The following BPIFB3 variants were observed in gnomAD, a reference collection of about 807,000 sequenced individuals.
BPIFB3 encodes BPI fold containing family B member 3.
In BPIFB3, 49 loss-of-function variants were observed where a neutral mutation model predicts 53.1. The ratio of observed to expected loss-of-function variants is 0.92; its 90% CI spans 0.73 to 1.17. The LOEUF is 1.17. BPIFB3 is among the 50% of genes most tolerant of loss of function. BPIFB3 has a pLI of 0.00. For missense variants in BPIFB3, 628 were observed against 592.5 expected (o/e 1.06, Z -0.62); for synonymous variants, 271 against 269.6 (o/e 1.01, Z -0.05).
intron 11 of BPIFB3, 37 bp from the exon 13 acceptor site, chr20:33,071,216 G>A (rs1389514588): frequency 4.6e-6 from 7 of 1,534,736 alleles, no homozygotes; most frequent in African/African-American, 4.3e-5. Context: ...GTGGTTGGGG[G>A]TAGCGGGGGC....
intron 2 of BPIFB3, among the ~76,000 whole-genome samples, chr20:33,058,958 G>A (rs917558731): frequency 1.6e-4 from 24 of 152,134 alleles, no homozygotes; most frequent in Admixed American, 1.5e-3. Context: ...GTGAGGAGTC[G>A]TGTTTGAGAA....
At chr20:33,061,674 A>C in intron 4 of BPIFB3, 94 bp from the exon 6 acceptor site, 2 of 1,227,602 alleles carry the variant, frequency 1.6e-6, no homozygotes, top group Non-Finnish European at 2.3e-6. Context: ...AAGGGAGAGG[A>C]GAAATCCAGA....
At chr20:33,064,989 A>G (rs1323059958) in intron 8 of BPIFB3, 144 bp downstream of exon 9, 2 of 902,412 alleles carry the variant, frequency 2.2e-6, no homozygotes, top group African/African-American at 3.4e-5. Context: ...TAGAGTGTGT[A>G]CACTGCTGTT....
chr20:33,072,816 G>A (rs746955098), intron 14 of BPIFB3, 23 bp downstream of exon 15: 18 of 1,572,250 alleles, frequency 1.1e-5, no homozygotes, highest in African/African-American at 6.8e-5. Context: ...TGCAGATACG[G>A]CCCAGGTGGG....
chr20:33,063,574 GAGCTCTTCTTTGCCCTGTA>G lies in BPIFB3; in HGVS notation c.592-39_592-21del, dbSNP rs145095291. On this transcript the variant is annotated intron_variant, in intron 5 of 14. Transcript: ENST00000375494. ...AAGAACATGCAGCTGTCCTCGCAGT[GAGCTCTTCTTTGCCCTGTA>G]ACATGTGTCTCCCTGACACAGCTGT... 1.3e-3 allele frequency: 2,083 copies of G among 1,605,690 alleles called. 30 individuals are homozygous for G. In the African/African-American group the frequency reaches 0.024, roughly 18 times the overall value.
chr20:33,060,308 G>A (rs528823582), intron 4 of BPIFB3, among the ~76,000 whole-genome samples: 8 of 152,288 alleles, frequency 5.3e-5, no homozygotes, highest in Admixed American at 3.9e-4. Flanking sequence ...CCGCCAGAGC[G>A]GGCCCAGGGT....
chr20:33,068,849 G>A lies in BPIFB3; in HGVS notation c.1025G>A (p.Arg342Gln), dbSNP rs563695636. 1,200 of 1,613,906 alleles carry A rather than the reference G, an allele frequency of 7.4e-4. 22 individuals are homozygous for A. In the South Asian group the frequency reaches 0.012, roughly 16 times the overall value. The change falls in exon 10 of 15, where the codon CGG (arginine) becomes CAG (glutamine). Residue 342 changes from arginine to glutamine, a missense_variant. Transcript: ENST00000375494. ...CACCAGCAACTCCTACTGTTCCTGC[G>A]GGTGAGGGAAGCTCCCACGGTCACA...
chr20:33,072,681 A>G (rs760595311), intron 13 of BPIFB3, 36 bp from the exon 15 acceptor site: 1 of 1,576,848 alleles, frequency 6.3e-7, no homozygotes, highest in South Asian at 1.1e-5. Flanking sequence ...GCTCCCCACC[A>G]ATGTACCTTT....
chr20:33,061,245 G>A (rs1232469443), intron 4 of BPIFB3, among the ~76,000 whole-genome samples: 1 of 152,048 alleles, frequency 6.6e-6, no homozygotes, highest in Non-Finnish European at 1.5e-5. Flanking sequence ...GATGGTGTTG[G>A]TGTCCTGTGT....
intron 5 of BPIFB3, 148 bp from the exon 7 acceptor site, chr20:33,063,467 A>C: frequency 1.3e-6 from 1 of 794,876 alleles, no homozygotes; most frequent in South Asian, 1.5e-5. Flanking sequence ...CCTGCCTCCC[A>C]CCTGTGTGTC....
At chr20:33,066,485 C>G (rs1474083956) in intron 8 of BPIFB3, among the ~76,000 whole-genome samples, 1 of 152,188 alleles carries the variant, frequency 6.6e-6, no homozygotes, top group Non-Finnish European at 1.5e-5. Flanking sequence ...TTAGCCTGCC[C>G]AGGTTCAAAT....
In BPIFB3 at chr20:33,060,034, G is replaced by A; in HGVS notation, c.527+3G>A. 1.2e-6 allele frequency: 2 copies of A among 1,613,464 alleles called. No homozygotes were observed. The highest frequency in any genetic ancestry group is 1.7e-6 in the Non-Finnish European group (2 of 1,179,688). On this transcript the variant is annotated splice_donor_region_variant and intron_variant, in intron 4 of 14. Transcript: ENST00000375494. The stretch of plus-strand genomic sequence containing the variant: ...GGCCACATCAGCCTGTTCTCAGGGT[G>A]AGTCTGCAGGTTCCAGCCTGCAACC...
Position 33,071,917 on chromosome 20 carries a change from C to T in BPIFB3, c.1261-187C>T, listed in dbSNP as rs186009191. Among the ~76,000 whole-genome samples, 599 of 152,302 alleles carry T rather than the reference C, an allele frequency of 3.9e-3. 1 individual carries two copies. The highest frequency in any genetic ancestry group is 6.6e-3 in the Non-Finnish European group (446 of 68,018). ...CCAGCCTAAATCACAGAATCTCTTT[C>T]GAGGTCACTGGTGGACAGCCCAGGC... is the stretch of plus-strand genomic sequence containing the variant. On this transcript the variant is annotated intron_variant, in intron 12 of 14. Transcript: ENST00000375494.
At chr20:33,064,031 C>G (rs1476060454) in intron 6 of BPIFB3, among the ~76,000 whole-genome samples, 1 of 152,188 alleles carries the variant, frequency 6.6e-6, no homozygotes, top group East Asian at 1.9e-4. Flanking sequence ...GAACCCAAGG[C>G]CCCGCAGCCA....
intron 10 of BPIFB3, 37 bp from the exon 12 acceptor site, chr20:33,069,851 C>T (rs370233450): frequency 2.0e-5 from 33 of 1,611,766 alleles, no homozygotes; most frequent in African/African-American, 2.0e-4. Context: ...CTCCTTCTGC[C>T]GATTGGGGGT....
chr20:33,063,639 C>A (rs1422182042), exon 6 of BPIFB3: 2 of 1,613,934 alleles, frequency 1.2e-6, no homozygotes, highest in Non-Finnish European at 1.7e-6. Context: ...GGACAGTGTG[C>A]TGGGTGTGGT....
At chr20:33,067,422 A>C (rs1980713264) in intron 9 of BPIFB3, among the ~76,000 whole-genome samples, 1 of 152,238 alleles carries the variant, frequency 6.6e-6, no homozygotes, top group Non-Finnish European at 1.5e-5. Flanking sequence ...CTTATGTAAC[A>C]GCAGGTTCTG....
chr20:33,059,291 T>G, intron 2 of BPIFB3, 87 bp from the exon 4 acceptor site: 1 of 899,338 alleles, frequency 1.1e-6, no homozygotes, highest in Non-Finnish European at 1.8e-6. Context: ...TGAGGTGAGA[T>G]AGGGGACACC....
chr20:33,069,083 C>A, intron 10 of BPIFB3, 110 bp downstream of exon 11: 6 of 1,256,800 alleles, frequency 4.8e-6, no homozygotes, highest in Non-Finnish European at 6.5e-6. Flanking sequence ...GGGAGCCCCA[C>A]ATAGTCCAGC....
Sources: allele counts gnomAD v4.1 joint callset (sites outside exome capture counted in the v4.1 genomes callset), GRCh38; gene constraint gnomAD v4.1.1; transcripts MANE v1.5; gene names NCBI Gene and HGNC (gene_info 2026-07-23, HGNC 2026-07-21).